The following MMP16 variants were observed in gnomAD, a reference collection of about 807,000 sequenced individuals.
MMP16 encodes matrix metallopeptidase 16.
MMP16 carries 12 observed loss-of-function variants against 67.8 expected under a neutral mutation model. The observed-to-expected ratio is 0.18, with a 90% CI of 0.11 to 0.29. The LOEUF (loss-of-function observed/expected upper bound fraction) is 0.29. Ranked by LOEUF, MMP16 falls within the 10% of genes least tolerant of loss-of-function variation. MMP16 has a pLI of 1.00. For synonymous variants in MMP16, 249 were observed against 255.9 expected (o/e 0.97, Z 0.26); for missense variants, 475 against 765.7 (o/e 0.62, Z 4.48).
chr8:88,122,149 AC>A (rs1807850598), intron 4 of MMP16, among the ~76,000 whole-genome samples: 1 of 152,140 alleles, frequency 6.6e-6, no homozygotes, highest in Middle Eastern at 3.4e-3. Flanking sequence ...TGCCTTGCTT[AC>A]ACTTTTATCA....
intron 8 of MMP16, 77 bp from the exon 9 acceptor site, chr8:88,046,861 G>T (rs2118200052): frequency 1.1e-6 from 1 of 900,954 alleles, no homozygotes; most frequent in Non-Finnish European, 1.7e-6. Context: ...AACAATAATA[G>T]CTGACATTTA....
chr8:88,090,651 T>TA (rs151310444), intron 6 of MMP16, among the ~76,000 whole-genome samples: 9 of 151,732 alleles, frequency 5.9e-5, no homozygotes, highest in Admixed American at 1.3e-4. Flanking sequence ...AAATTTTAAT[T>TA]AAAAAAATTA....
intron 3 of MMP16, among the ~76,000 whole-genome samples, chr8:88,176,635 T>A (rs1161587719): frequency 1.3e-5 from 2 of 152,326 alleles, no homozygotes; most frequent in East Asian, 3.9e-4. Flanking sequence ...CTCATACACA[T>A]AATCAATTAT....
intron 7 of MMP16, among the ~76,000 whole-genome samples, chr8:88,059,470 T>G (rs761408950): frequency 6.6e-6 from 1 of 152,114 alleles, no homozygotes; most frequent in African/African-American, 2.4e-5. Context: ...AAGTCCAAAT[T>G]TGAACTCATC....
chr8:88,142,912 G>C (rs1462094116), intron 4 of MMP16, among the ~76,000 whole-genome samples: 1 of 152,154 alleles, frequency 6.6e-6, no homozygotes, highest in Admixed American at 6.5e-5. Flanking sequence ...TGTGATATCA[G>C]CATTGAGAAA....
At chr8:88,214,787 T>A (rs1809563264) in intron 1 of MMP16, among the ~76,000 whole-genome samples, 3 of 152,160 alleles carry the variant, frequency 2.0e-5, no homozygotes, top group African/African-American at 7.2e-5. Context: ...ATCTTAACCT[T>A]TTTAAACTGA....
intron 1 of MMP16, among the ~76,000 whole-genome samples, chr8:88,316,223 T>C (rs1391728861): frequency 6.6e-6 from 1 of 152,202 alleles, no homozygotes; most frequent in Non-Finnish European, 1.5e-5. Context: ...CCAGAAGATC[T>C]AGCTAAAATA....
At chr8:88,161,811 C>T (rs189356098) in intron 4 of MMP16, among the ~76,000 whole-genome samples, 1 of 151,988 alleles carries the variant, frequency 6.6e-6, no homozygotes, top group African/African-American at 2.4e-5. Flanking sequence ...CGTTATGCAC[C>T]CAATAGTCAC....
rs533328327 is a variant in MMP16 at position 88,037,668 on chromosome 8, T to C, written c.*3793A>G. 1 of 152,104 alleles carries C rather than the reference T, an allele frequency of 6.6e-6. No homozygotes were observed. The highest frequency in any genetic ancestry group is 1.9e-4 in the East Asian group (1 of 5,180). The allele number at this position is 152,104 out of a possible 1,614,324, so 9.4% of individuals were successfully genotyped here. A position where few individuals can be genotyped will look rare whatever the true frequency, so the allele number is the denominator to read the frequency against. ...ATGAGTCAATAAATTCACAACCTTA[T>C]CTACAATTCTGATGCGGAATTACTG... On this transcript the variant is annotated 3_prime_UTR_variant, in exon 10 of 10. Coordinates refer to ENST00000286614, the MANE Select transcript of MMP16 (RefSeq NM_005941.5).
intron 8 of MMP16, among the ~76,000 whole-genome samples, chr8:88,048,067 G>A (rs1209309973): frequency 2.6e-5 from 4 of 152,210 alleles, no homozygotes; most frequent in African/African-American, 9.6e-5. Context: ...GAAGAAGTAT[G>A]TTGTCATTCA....
At chr8:88,198,411 C>T (rs1809290128) in intron 1 of MMP16, among the ~76,000 whole-genome samples, 1 of 152,042 alleles carries the variant, frequency 6.6e-6, no homozygotes, top group Admixed American at 6.6e-5. Context: ...AAGCTATTTG[C>T]CAGCATGTGT....
intron 1 of MMP16, among the ~76,000 whole-genome samples, chr8:88,250,789 T>C (rs545021609): frequency 1.3e-5 from 2 of 151,930 alleles, no homozygotes; most frequent in Non-Finnish European, 2.9e-5. Flanking sequence ...AATTTTTTTT[T>C]ATTATACTTT....
intron 1 of MMP16, among the ~76,000 whole-genome samples, chr8:88,323,434 A>G (rs188536699): frequency 2.6e-5 from 4 of 152,288 alleles, no homozygotes; most frequent in Admixed American, 2.6e-4. Context: ...TACTCAATTC[A>G]TATTTGTCAT....
At chr8:88,073,554 T>C (rs938782059) in intron 7 of MMP16, among the ~76,000 whole-genome samples, 1 of 152,202 alleles carries the variant, frequency 6.6e-6, no homozygotes, top group African/African-American at 2.4e-5. Flanking sequence ...TTCTTACAGC[T>C]AATGGACTAA....
chr8:88,284,211 C>T (rs950589114), intron 1 of MMP16, among the ~76,000 whole-genome samples: 1 of 152,156 alleles, frequency 6.6e-6, no homozygotes, highest in African/African-American at 2.4e-5. Context: ...ATACAAAAAG[C>T]AATGTCTTAT....
chr8:88,085,061 T>C (rs1808811811), intron 6 of MMP16, among the ~76,000 whole-genome samples: 2 of 1,392 alleles, frequency 1.4e-3, no homozygotes, highest in Admixed American at 0.02. Flanking sequence ...CATATTGTGA[T>C]ACCATGCAAA....
intron 4 of MMP16, among the ~76,000 whole-genome samples, chr8:88,142,492 T>C (rs1213663723): frequency 6.6e-6 from 1 of 152,102 alleles, no homozygotes; most frequent in Non-Finnish European, 1.5e-5. Flanking sequence ...TTATCAGACC[T>C]GCAGTGGTTA....
chr8:88,300,518 C>G (rs547635497), intron 1 of MMP16, among the ~76,000 whole-genome samples: 23 of 152,260 alleles, frequency 1.5e-4, no homozygotes, highest in Non-Finnish European at 2.8e-4. Flanking sequence ...TATCAGATCA[C>G]CCGTTGTGAG....
chr8:88,251,274 G>A (rs1289658950), intron 1 of MMP16, among the ~76,000 whole-genome samples: 4 of 151,786 alleles, frequency 2.6e-5, no homozygotes, highest in Non-Finnish European at 4.4e-5. Flanking sequence ...AAAACAGCAT[G>A]GTACTGGTAC....
Sources: gnomAD v4.1 joint callset for allele counts (sites outside exome capture counted in the v4.1 genomes callset) on GRCh38, gnomAD v4.1.1 for gene constraint, MANE v1.5 for transcripts, NCBI Gene and HGNC (gene_info 2026-07-23, HGNC 2026-07-21) for gene names.